Variants in AUTS2 observed in about 807,000 individuals in gnomAD.
AUTS2 encodes activator of transcription and developmental regulator AUTS2.
A neutral mutation model predicts 112.4 loss-of-function variants in AUTS2; 17 were observed. The observed-to-expected ratio is 0.15, with a 90% CI of 0.10 to 0.23. The LOEUF is 0.23. Ranked by LOEUF, AUTS2 falls within the 10% of genes least tolerant of loss-of-function variation. The pLI is 1.00. For missense variants in AUTS2, 1,510 were observed against 1,701.6 expected, an observed-to-expected ratio of 0.89 and a Z score of 1.98; for synonymous variants, 751 against 702.7, an observed-to-expected ratio of 1.07 and a Z score of -1.09.
chr7:70,330,660 A>G (rs1053708584), intron 4 of AUTS2, among the ~76,000 whole-genome samples: 4 of 152,208 alleles, frequency 2.6e-5, no homozygotes, highest in Non-Finnish European at 1.5e-5. Context: ...CATTTCTGCA[A>G]AAAGATCACT....
At chr7:70,395,754 G>C (rs543158831) in intron 4 of AUTS2, among the ~76,000 whole-genome samples, 1 of 152,156 alleles carries the variant, frequency 6.6e-6, no homozygotes, top group Non-Finnish European at 1.5e-5. Flanking sequence ...AGGAGCCTAC[G>C]AGAGTCAGAA....
intron 4 of AUTS2, among the ~76,000 whole-genome samples, chr7:70,421,127 TA>T (rs1207547982): frequency 6.6e-6 from 1 of 152,134 alleles, no homozygotes; most frequent in Non-Finnish European, 1.5e-5. Flanking sequence ...CACCGGAAAT[TA>T]AAAAAGAAAA....
At chr7:70,697,895 T>C (rs1809215516) in intron 5 of AUTS2, among the ~76,000 whole-genome samples, 1 of 152,230 alleles carries the variant, frequency 6.6e-6, no homozygotes, top group African/African-American at 2.4e-5. Context: ...GTTTTACTGT[T>C]TAAACAGGCT....
At chr7:70,743,092 CT>C (rs1291417009) in intron 6 of AUTS2, among the ~76,000 whole-genome samples, 1 of 152,138 alleles carries the variant, frequency 6.6e-6, no homozygotes, top group Non-Finnish European at 1.5e-5. Flanking sequence ...ATTATTTCAG[CT>C]TTTTAGTCTG....
At chr7:70,341,504 T>A (rs1202603614) in intron 4 of AUTS2, among the ~76,000 whole-genome samples, 1 of 152,240 alleles carries the variant, frequency 6.6e-6, no homozygotes, top group Non-Finnish European at 1.5e-5. Context: ...TGCTGGAATT[T>A]AACACAGTGA....
chr7:70,483,249 C>G (rs906165376), intron 5 of AUTS2, among the ~76,000 whole-genome samples: 1 of 151,992 alleles, frequency 6.6e-6, no homozygotes, highest in Non-Finnish European at 1.5e-5. Context: ...ACCTTGAGAG[C>G]TCCCTACCTA....
intron 5 of AUTS2, among the ~76,000 whole-genome samples, chr7:70,551,476 A>G (rs1801013095): frequency 6.6e-6 from 1 of 152,200 alleles, no homozygotes; most frequent in African/African-American, 2.4e-5. Context: ...CTCTCAACCC[A>G]GTCTTAATCA....
chr7:70,455,006 T>G (rs1181143168), intron 5 of AUTS2, among the ~76,000 whole-genome samples: 1 of 152,200 alleles, frequency 6.6e-6, no homozygotes, highest in Non-Finnish European at 1.5e-5. Flanking sequence ...TCCAGTACCC[T>G]TGTTGATTCT....
At chr7:70,534,513 G>A (rs1163799882) in intron 5 of AUTS2, among the ~76,000 whole-genome samples, 4 of 152,034 alleles carry the variant, frequency 2.6e-5, no homozygotes, top group African/African-American at 2.4e-5. Flanking sequence ...TGCAACCTCC[G>A]CCTCCCAGGT....
intron 2 of AUTS2, among the ~76,000 whole-genome samples, chr7:69,961,189 CCA>C (rs951542926): frequency 2.6e-5 from 4 of 152,110 alleles, no homozygotes; most frequent in African/African-American, 9.7e-5. Context: ...ACCAGTGTCT[CCA>C]CAGAGTCTTG....
chr7:70,594,962 G>A (rs565760197), intron 5 of AUTS2, among the ~76,000 whole-genome samples: 16 of 152,282 alleles, frequency 1.1e-4, no homozygotes, highest in East Asian at 1.9e-4. Flanking sequence ...TTAGTCGGGC[G>A]TGGTGGCACA....
At chr7:70,150,480 A>C (rs930995904) in intron 4 of AUTS2, among the ~76,000 whole-genome samples, 4 of 152,222 alleles carry the variant, frequency 2.6e-5, no homozygotes, top group Non-Finnish European at 5.9e-5. Flanking sequence ...TCTTCCCAGT[A>C]GACATGCTGT....
chr7:70,684,206 A>T (rs1412216841), intron 5 of AUTS2, among the ~76,000 whole-genome samples: 1 of 152,054 alleles, frequency 6.6e-6, no homozygotes, highest in Non-Finnish European at 1.5e-5. Flanking sequence ...CAGTACCCTA[A>T]AGATTATTAA....
chr7:70,465,570 T>C (rs544292567), intron 5 of AUTS2, among the ~76,000 whole-genome samples: 32 of 152,106 alleles, frequency 2.1e-4, no homozygotes, highest in South Asian at 8.3e-4. Context: ...CCAATGACAA[T>C]GAGGGAGAGA....
At chr7:70,055,537 T>A (rs2129559945) in intron 2 of AUTS2, among the ~76,000 whole-genome samples, 1 of 152,342 alleles carries the variant, frequency 6.6e-6, no homozygotes, top group Middle Eastern at 3.4e-3. Context: ...TACACTCTGT[T>A]GTATTGAGAA....
intron 5 of AUTS2, among the ~76,000 whole-genome samples, chr7:70,450,256 A>G (rs1199965266): frequency 1.3e-5 from 2 of 152,228 alleles, no homozygotes; most frequent in Admixed American, 6.5e-5. Flanking sequence ...GCCTAATTGA[A>G]GGGAAAGCTG....
intron 4 of AUTS2, among the ~76,000 whole-genome samples, chr7:70,391,293 A>C (rs1006214656): frequency 1.3e-5 from 2 of 152,156 alleles, no homozygotes; most frequent in African/African-American, 4.8e-5. Flanking sequence ...ATGTGGTGAG[A>C]ATATTGAGGC....
At chr7:70,337,054 AC>A (rs1585031952) in intron 4 of AUTS2, among the ~76,000 whole-genome samples, 1 of 152,226 alleles carries the variant, frequency 6.6e-6, no homozygotes, top group East Asian at 1.9e-4. Context: ...TACAGGGTGG[AC>A]CCCTGCTTTT....
Position 70,491,589 on chromosome 7 carries a change from TTGTGTGTGTG to T in AUTS2, c.690+55834_690+55843del, listed in dbSNP as rs71077660. Among the ~76,000 whole-genome samples the T allele has an allele frequency of 1.3e-3, 187 of 138,800 alleles. 2 individuals carry two copies. The highest frequency in any genetic ancestry group is 1.3e-3 in the African/African-American group (49 of 37,070). The allele number at this position is 138,800 out of a possible 152,430, so 91.1% of individuals were successfully genotyped here. On this transcript the variant is annotated intron_variant, in intron 5 of 18. Coordinates refer to ENST00000342771, the MANE Select transcript of AUTS2 (RefSeq NM_015570.4). ...TATGTGTATATATAATGTATATATATTGTGTGTGTGTGTGTGTGTGTGTGTGTGTGTGTGT... is the reference window on the plus strand; with the variant it reads ...TATGTGTATATATAATGTATATATATTGTGTGTGTGTGTGTGTGTGTGTGT...
Sources: gnomAD v4.1 joint callset for allele counts (sites outside exome capture counted in the v4.1 genomes callset) on GRCh38, gnomAD v4.1.1 for gene constraint, MANE v1.5 for transcripts, NCBI Gene and HGNC (gene_info 2026-07-23, HGNC 2026-07-21) for gene names.